The following POLH variants were observed in gnomAD, a reference collection of about 807,000 sequenced individuals.
POLH encodes the protein DNA polymerase eta, also known as DNA polymerase eta transcript.
POLH carries 53 observed loss-of-function variants against 73.6 expected under a neutral mutation model. The ratio of observed to expected loss-of-function variants is 0.72; its 90% CI spans 0.58 to 0.91. POLH has a LOEUF of 0.91. Ranked by LOEUF, POLH falls within the 40% of genes least tolerant of loss-of-function variation. The pLI, the probability that POLH is intolerant of heterozygous loss-of-function variation, is 0.00. For synonymous variants in POLH, 292 were observed against 308.5 expected, an observed-to-expected ratio of 0.95 and a Z score of 0.56; for missense variants, 768 against 865.4, an observed-to-expected ratio of 0.89 and a Z score of 1.41.
intron 8 of POLH, 41 bp downstream of exon 8, chr6:43,604,779 G>C (rs751332615): frequency 1.1e-5 from 18 of 1,610,278 alleles, no homozygotes; most frequent in Non-Finnish European, 1.4e-5. Context: ...TCTTTTAAAG[G>C]GGTCAGTGGG....
At position 43,601,085 on chromosome 6, in the gene POLH, G is replaced by A; in HGVS notation, c.758G>A (p.Arg253His). 5 of 1,604,718 alleles carry A rather than the reference G, an allele frequency of 3.1e-6. No homozygotes were observed. Among genetic ancestry groups the A allele is most frequent in the Non-Finnish European group, 4.3e-6 (5 of 1,171,570 alleles). Residue 253 changes from arginine to histidine, a missense_variant, in exon 6 of 11, where the codon CGC becomes CAC. Physicochemically the swap from Arg to His is conservative, Grantham distance 29 (BLOSUM62 0). Transcript: ENST00000372236. ...CAGCTCTTCAGCCAAATGCCCATTCGCAAAATGTAAGTATTCAGGCAGCAT... is the reference window on the plus strand; with the variant it reads ...CAGCTCTTCAGCCAAATGCCCATTCACAAAATGTAAGTATTCAGGCAGCAT... ...VPQLFSQMPIRKIRSLGGKLG... is the reference protein window; with the variant it reads ...VPQLFSQMPIHKIRSLGGKLG...
intron 9 of POLH, among the ~76,000 whole-genome samples, chr6:43,606,168 AAAG>A (rs1472517659): frequency 6.6e-6 from 1 of 152,158 alleles, no homozygotes; most frequent in Non-Finnish European, 1.5e-5. Flanking sequence ...AAAAAAAAAA[AAAG>A]TAGTTAAAAT....
At position 43,613,928 on chromosome 6, in the gene POLH, A is replaced by G; in HGVS notation, c.1513A>G (p.Thr505Ala). Reference protein sequence around the residue: ...EASLSSLTAPTQAPMSNSPSK... With the variant: ...EASLSSLTAPAQAPMSNSPSK... ...TTCGCTTTCATCTCTTACTGCTCCC[A>G]CTCAGGCTCCCATGAGCAATTCACC... Residue 505 changes from threonine (T) to alanine (A), a missense_variant, in exon 11 of 11, where the codon ACT (threonine) becomes GCT (alanine). Transcript: ENST00000372236. The G allele has an allele frequency of 3.7e-6, 6 of 1,613,812 alleles. No individual in the cohort carries two copies. The highest frequency in any genetic ancestry group is 4.2e-6 in the Non-Finnish European group (5 of 1,180,024).
intron 3 of POLH, 76 bp from the exon 4 acceptor site, chr6:43,587,196 C>T: frequency 9.8e-7 from 1 of 1,022,200 alleles, no homozygotes; most frequent in South Asian, 1.3e-5. Context: ...TTCATTATGG[C>T]AGGGTGGGAG....
At chr6:43,607,368 C>T (rs950492874) in intron 9 of POLH, among the ~76,000 whole-genome samples, 1 of 152,246 alleles carries the variant, frequency 6.6e-6, no homozygotes, top group Non-Finnish European at 1.5e-5. Context: ...GCTGGGATTA[C>T]AGGCGTGAGC....
chr6:43,590,698 G>A (rs1765361107), intron 4 of POLH, among the ~76,000 whole-genome samples: 1 of 152,092 alleles, frequency 6.6e-6, no homozygotes, highest in Non-Finnish European at 1.5e-5. Context: ...CAAGGCAGGT[G>A]AATCACCTGA....
chr6:43,577,307 C>T (rs1763471271), intron 1 of POLH, among the ~76,000 whole-genome samples: 1 of 152,238 alleles, frequency 6.6e-6, no homozygotes, highest in South Asian at 2.1e-4. Flanking sequence ...GTGTGCTGAA[C>T]ATAAATCACT....
chr6:43,609,068 T>C (rs763042448), intron 9 of POLH, among the ~76,000 whole-genome samples: 57 of 152,296 alleles, frequency 3.7e-4, no homozygotes, highest in Admixed American at 2.3e-3. Flanking sequence ...CTTCCTTGAT[T>C]TATTCAAATC....
rs183584697 is a variant in POLH, at chr6:43,620,452, G to A, written c.*5895G>A. 134 of 369,852 alleles carry A rather than the reference G, an allele frequency of 3.6e-4. No homozygotes were observed. Among genetic ancestry groups the A allele is most frequent in the African/African-American group, 2.6e-3 (124 of 47,060 alleles). The allele number at this position is 369,852 out of a possible 1,614,324, so 22.9% of individuals were successfully genotyped here. The stretch of plus-strand genomic sequence containing the variant: ...TAATCCTGAAGAGGTATCTAGCCCT[G>A]GAAGGAAGCTGAGCCTGTAGCTAAC... On this transcript the variant is annotated 3_prime_UTR_variant, in exon 11 of 11. Transcript: ENST00000372236.
At chr6:43,589,683 G>A (rs1332956664) in intron 4 of POLH, among the ~76,000 whole-genome samples, 1 of 135,554 alleles carries the variant, frequency 7.4e-6, no homozygotes, top group African/African-American at 2.8e-5. Context: ...TGCCCAGGCT[G>A]GAGTGCAGTG....
At position 43,614,564 on chromosome 6, in the gene POLH, C is replaced by T. The variant is rs760184077; in HGVS notation, c.*7C>T. On this transcript the variant is annotated 3_prime_UTR_variant, in exon 11 of 11. Transcript: ENST00000372236. Reference sequence around the variant, plus strand: ...TAAGCCATTAACACATTAGTGCTGCCCTCAGGCTTGCCTGTAGGATTTAAT... The same window carrying T: ...TAAGCCATTAACACATTAGTGCTGCTCTCAGGCTTGCCTGTAGGATTTAAT... 1 of 1,610,314 alleles carries T rather than the reference C, an allele frequency of 6.2e-7. No individual in the cohort carries two copies. The highest frequency in any genetic ancestry group is 1.1e-5 in the South Asian group (1 of 90,976).
intron 1 of POLH, among the ~76,000 whole-genome samples, chr6:43,581,831 G>A (rs993884616): frequency 1.3e-5 from 2 of 151,134 alleles, no homozygotes; most frequent in African/African-American, 2.4e-5. Context: ...ATGGCCGGAC[G>A]GGCTCCCTAA....
chr6:43,608,590 A>G (rs1331423685), intron 9 of POLH, among the ~76,000 whole-genome samples: 1 of 152,092 alleles, frequency 6.6e-6, no homozygotes, highest in Non-Finnish European at 1.5e-5. Flanking sequence ...ATACAACCTT[A>G]GCTCACTGCA....
intron 8 of POLH, 146 bp downstream of exon 8, chr6:43,604,884 C>A: frequency 1.2e-6 from 1 of 854,394 alleles, no homozygotes; most frequent in Non-Finnish European, 2.0e-6. Flanking sequence ...TGAAAATTGA[C>A]TAGTTTATGA....
rs760104150 is a variant in POLH at position 43,597,776 on chromosome 6, A to C, written c.571A>C (p.Thr191Pro). 6.2e-7 allele frequency: 1 copy of C among 1,613,846 alleles called. No homozygotes were observed. Residue 191 changes from threonine (T) to proline (P), a missense_variant, in exon 5 of 11, where the codon ACC becomes CCC. Transcript: ENST00000372236. Reference protein sequence around the residue: ...DNLTSPDLQLTVGAVIVEEMR... With the variant: ...DNLTSPDLQLPVGAVIVEEMR... ...CCTCACCTCTCCAGACCTGCAGCTC[A>C]CCGTGGGAGCAGTGATTGTGGAGGA...
chr6:43,612,073 A>G (rs1420473496), intron 10 of POLH, among the ~76,000 whole-genome samples: 1 of 151,664 alleles, frequency 6.6e-6, no homozygotes, highest in Admixed American at 6.6e-5. Flanking sequence ...CAACAACAAC[A>G]AATAAATAAA....
intron 9 of POLH, among the ~76,000 whole-genome samples, chr6:43,609,906 A>G (rs888152771): frequency 1.3e-5 from 2 of 152,112 alleles, no homozygotes; most frequent in Admixed American, 6.5e-5. Context: ...TCATCTGTCA[A>G]AACATCCTAG....
At chr6:43,613,603 G>A (rs1768122444) in intron 10 of POLH, 57 bp from the exon 11 acceptor site, 2 of 1,340,588 alleles carry the variant, frequency 1.5e-6, no homozygotes, top group African/African-American at 1.4e-5. Flanking sequence ...TTAGCAATAG[G>A]TCACTATTTT....
Position 43,613,989 on chromosome 6 carries a change from G to A in POLH, c.1574G>A (p.Ser525Asn), listed in dbSNP as rs1196150176. Reference sequence around the variant, plus strand: ...TCATTACCTTTTCAAACCAGTCAAAGTACAGGAACTGAGCCCTTCTTTAAG... The same window carrying A: ...TCATTACCTTTTCAAACCAGTCAAAATACAGGAACTGAGCCCTTCTTTAAG... ...KPSLPFQTSQ[S>N]TGTEPFFKQK... The change falls in exon 11 of 11, where the codon AGT (serine) becomes AAT (asparagine). Residue 525 changes from serine (S) to asparagine (N), a missense_variant. By Grantham distance (46) the Ser-to-Asn change is conservative. Coordinates refer to ENST00000372236, the MANE Select transcript of POLH (RefSeq NM_006502.3). 6.2e-7 allele frequency: 1 copy of A among 1,614,082 alleles called. No homozygotes were observed. Among genetic ancestry groups the A allele is most frequent in the Admixed American group, 1.7e-5 (1 of 60,028 alleles).
Sources: gnomAD v4.1 joint callset for allele counts (sites outside exome capture counted in the v4.1 genomes callset) on GRCh38, gnomAD v4.1.1 for gene constraint, MANE v1.5 for transcripts, NCBI Gene and HGNC (gene_info 2026-07-23, HGNC 2026-07-21) for gene names.